FYB1: variants seen among roughly 807,000 people sequenced by gnomAD.
The protein encoded by FYB1 is FYN-binding protein 1.
FYB1 carries 41 observed loss-of-function variants against 94.1 expected under a neutral mutation model. The ratio of observed to expected loss-of-function variants is 0.44; its 90% confidence interval spans 0.34 to 0.57. FYB1 has a LOEUF of 0.57. Among genes scored for constraint, FYB1 ranks in the 20% least tolerant of loss-of-function variants. FYB1 has a pLI of 0.02. For missense variants in FYB1, 1,050 were observed against 976.8 expected (o/e 1.07, Z -1.00); for synonymous variants, 367 against 353.2 (o/e 1.04, Z -0.44).
chr5:39,269,700 C>T (rs1752593045), intron 1 of FYB1: 1 of 152,226 alleles, frequency 6.6e-6, no homozygotes, highest in African/African-American at 2.4e-5. Flanking sequence ...TGCACAATCT[C>T]CAATTGAGCA....
At chr5:39,193,971 C>T (rs966827763) in intron 2 of FYB1, among the ~76,000 whole-genome samples, 4 of 151,610 alleles carry the variant, frequency 2.6e-5, no homozygotes, top group African/African-American at 7.2e-5. Flanking sequence ...ATCCATCAGC[C>T]AGATCAAAAG....
rs923202212 is a variant in FYB1, at chr5:39,166,005, G to A, written c.1136-12401C>T. Among the ~76,000 whole-genome samples the A allele has an allele frequency of 1.3e-5, 2 of 152,254 alleles. 1 individual carries two copies. On this transcript the variant is annotated intron_variant, in intron 2 of 18. Coordinates refer to ENST00000512982, the MANE Select transcript of FYB1 (RefSeq NM_001465.6). Reference sequence around the variant, plus strand: ...ATGTGGGCAAGGATGTCGAGTAAAGGGAATGCTTATACACCGTTGGTGGGA... The same window carrying A: ...ATGTGGGCAAGGATGTCGAGTAAAGAGAATGCTTATACACCGTTGGTGGGA...
At chr5:39,204,552 C>G (rs1748673540) in intron 1 of FYB1, among the ~76,000 whole-genome samples, 1 of 152,172 alleles carries the variant, frequency 6.6e-6, no homozygotes, top group Non-Finnish European at 1.5e-5. Flanking sequence ...GTTGTAGGAA[C>G]TGTGAGCACA....
At chr5:39,198,698 G>T (rs923426903) in intron 2 of FYB1, among the ~76,000 whole-genome samples, 1 of 152,120 alleles carries the variant, frequency 6.6e-6, no homozygotes, top group African/African-American at 2.4e-5. Context: ...GCTAATGTAA[G>T]TGTTCAGAGC....
chr5:39,123,886 C>A (rs940743133), intron 13 of FYB1, among the ~76,000 whole-genome samples: 1 of 152,042 alleles, frequency 6.6e-6, no homozygotes, highest in African/African-American at 2.4e-5. Context: ...TTAGAAGAGG[C>A]TTACTGGCAT....
intron 16 of FYB1, among the ~76,000 whole-genome samples, chr5:39,115,565 A>G (rs74368134): frequency 0.02 from 3,112 of 152,232 alleles, 43 homozygotes; most frequent in Non-Finnish European, 0.034. Context: ...ATTGTGGGGA[A>G]GTTGATTCTG....
intron 1 of FYB1, among the ~76,000 whole-genome samples, chr5:39,235,616 T>A (rs1280163642): frequency 6.6e-6 from 1 of 151,766 alleles, no homozygotes; most frequent in East Asian, 2.0e-4. Context: ...CCTGAGTAGA[T>A]ATATAGGAGC....
chr5:39,193,002 A>G (rs1747497003), intron 2 of FYB1, among the ~76,000 whole-genome samples: 2 of 151,264 alleles, frequency 1.3e-5, no homozygotes, highest in African/African-American at 4.8e-5. Context: ...AGGCTTACAC[A>G]ATGATGGCCC....
chr5:39,172,034 A>G (rs1745292168), intron 2 of FYB1, among the ~76,000 whole-genome samples: 1 of 152,230 alleles, frequency 6.6e-6, no homozygotes, highest in South Asian at 2.1e-4. Context: ...ACAAGGCAGC[A>G]TGGTGAGGAG....
At chr5:39,234,267 C>T (rs556465167) in intron 1 of FYB1, among the ~76,000 whole-genome samples, 7 of 152,216 alleles carry the variant, frequency 4.6e-5, no homozygotes, top group Non-Finnish European at 8.8e-5. Context: ...TAAAATATTA[C>T]TGATCCTTAA....
rs201447347 is a variant in FYB1 at position 39,122,394 on chromosome 5, C to A, written c.2080G>T (p.Asp694Tyr). 6.4e-7 allele frequency: 1 copy of A among 1,570,604 alleles called. No individual in the cohort carries two copies. The highest frequency in any genetic ancestry group is 8.7e-7 in the Non-Finnish European group (1 of 1,152,356). Reference sequence around the variant, plus strand: ...GTATCCACATCATCGTAAACTTCATCTCCCATGTCTAACAAAAGACAGAAT... The same window carrying A: ...GTATCCACATCATCGTAAACTTCATATCCCATGTCTAACAAAAGACAGAAT... ...PAPPKQLDMG[D>Y]EVYDDVDTSD... Residue 694 changes from aspartate (D) to tyrosine (Y), a missense_variant, in exon 14 of 19, where the codon GAT (aspartate) becomes TAT (tyrosine). By Grantham distance (160) the Asp-to-Tyr change is radical. Coordinates refer to ENST00000512982, the MANE Select transcript of FYB1 (RefSeq NM_001465.6).
At chr5:39,224,205 C>T (rs1750381205), upstream of FYB1, among the ~76,000 whole-genome samples, 1 of 152,222 alleles carries the variant, frequency 6.6e-6, no homozygotes, top group African/African-American at 2.4e-5. Context: ...GCCAAGCCAG[C>T]TCTGCTGTGC....
At chr5:39,110,572 T>C (rs1486439246) in intron 16 of FYB1, 183 bp from the exon 17 acceptor site, 2 of 478,296 alleles carry the variant, frequency 4.2e-6, no homozygotes, top group Non-Finnish European at 7.6e-6. Context: ...CTTCTCCTTT[T>C]CTCCCTAACT....
intron 3 of FYB1, among the ~76,000 whole-genome samples, chr5:39,141,873 G>GAA (rs199557798): frequency 1.9e-4 from 25 of 129,862 alleles, no homozygotes; most frequent in Non-Finnish European, 2.5e-4. Flanking sequence ...TTCTGTCTCA[G>GAA]AAAAAAAAAA....
intron 2 of FYB1, among the ~76,000 whole-genome samples, chr5:39,198,169 G>A (rs1233773619): frequency 6.6e-6 from 1 of 152,114 alleles, no homozygotes; most frequent in Non-Finnish European, 1.5e-5. Context: ...ATGTGCTGGC[G>A]AAGTAGGTGG....
At chr5:39,170,171 A>T (rs1745117370) in intron 2 of FYB1, 1 of 780,152 alleles carries the variant, frequency 1.3e-6, no homozygotes, top group South Asian at 1.4e-5. Context: ...TGATATGTCA[A>T]ATCTGTATTT....
chr5:39,273,831 A>T (rs1268158351), intron 1 of FYB1, among the ~76,000 whole-genome samples: 1 of 152,182 alleles, frequency 6.6e-6, no homozygotes, highest in African/African-American at 2.4e-5. Flanking sequence ...TTTTAAACTC[A>T]TCTTGCAAGT....
At chr5:39,132,717 T>G (rs531763112) in intron 9 of FYB1, among the ~76,000 whole-genome samples, 40 of 152,326 alleles carry the variant, frequency 2.6e-4, no homozygotes, top group African/African-American at 7.5e-4. Context: ...ATTTTTTTCT[T>G]GAGTATGCAC....
intron 7 of FYB1, among the ~76,000 whole-genome samples, chr5:39,136,796 A>C (rs548178029): frequency 6.6e-6 from 1 of 152,354 alleles, no homozygotes; most frequent in South Asian, 2.1e-4. Context: ...TCATTTTTAA[A>C]GAAATTTGAA....
Sources: allele counts gnomAD v4.1 joint callset (sites outside exome capture counted in the v4.1 genomes callset), GRCh38; gene constraint gnomAD v4.1.1; transcripts MANE v1.5; gene names NCBI Gene and HGNC (gene_info 2026-07-23, HGNC 2026-07-21).